The following RRP36 variants were observed in gnomAD, a reference collection of about 807,000 sequenced individuals.
RRP36 encodes ribosomal RNA processing 36, also known as ribosomal RNA processing protein 36 homolog.
RRP36 carries 44 observed loss-of-function variants against 39.8 expected under a neutral mutation model. That is an observed-to-expected ratio of 1.10 (90% CI 0.87 to 1.42). The LOEUF is 1.42. Ranked by LOEUF, RRP36 falls within the 40% of genes most tolerant of loss-of-function variation. RRP36 has a pLI of 0.00. For synonymous variants in RRP36, 124 were observed against 123.1 expected, an observed-to-expected ratio of 1.01 and a Z score of -0.05; for missense variants, 316 against 322.4, an observed-to-expected ratio of 0.98 and a Z score of 0.15.
rs549735297 is a variant in RRP36 at position 43,029,231 on chromosome 6, A to G, written c.*3A>G. On this transcript the variant is annotated 3_prime_UTR_variant, in exon 7 of 7. Transcript: ENST00000244496. ...ATCTCCCTTTGAGCAAAGAGTAATA[A>G]GGAACTATCCTCTGCTCTGCCACTG... 1.2e-5 allele frequency: 20 copies of G among 1,614,190 alleles called. No homozygotes were observed. The South Asian group carries it at 2.2e-4, about 18-fold the overall frequency.
Position 43,026,068 on chromosome 6 carries a change from C to A in RRP36, c.377C>A (p.Ser126Ter), listed in dbSNP as rs771399305. The A allele has an allele frequency of 5.6e-6, 9 of 1,613,664 alleles. No homozygotes were observed. In the Middle Eastern group the frequency reaches 6.6e-4, roughly 118 times the overall value. ...CGGGACCCTCGCTTTGATGATCTGT[C>A]AGGGGAATATAATCCTGAGGTGTTT... is the stretch of plus-strand genomic sequence containing the variant. ...VARDPRFDDL[S>*]GEYNPEVFDK... The change falls in exon 4 of 7, where the codon TCA becomes TAA. Residue 126 changes from serine to a stop codon, truncating the protein, a stop_gained. Coordinates refer to ENST00000244496, the MANE Select transcript of RRP36 (RefSeq NM_033112.4). LOFTEE classifies it high-confidence loss of function.
At position 43,026,022 on chromosome 6, in the gene RRP36, C is replaced by G. The variant is rs751285398; in HGVS notation, c.346-15C>G. On this transcript the variant is annotated splice_polypyrimidine_tract_variant and intron_variant, in intron 3 of 6. Transcript: ENST00000244496. Reference sequence around the variant, plus strand: ...TGAACAGTTGTGTTTTATATTCTCTCTCTTCTCTCCAAAGGTAGCCCGGGA... The same window carrying G: ...TGAACAGTTGTGTTTTATATTCTCTGTCTTCTCTCCAAAGGTAGCCCGGGA... 1 of 1,582,818 alleles carries G rather than the reference C, an allele frequency of 6.3e-7. No homozygotes were observed. The highest frequency in any genetic ancestry group is 8.7e-7 in the Non-Finnish European group (1 of 1,152,398).
Position 43,026,046 on chromosome 6 carries a change from G to A in RRP36, c.355G>A (p.Asp119Asn), listed in dbSNP as rs1322861578. ...VVPISKKVARDPRFDDLSGEY... is the reference protein window; with the variant it reads ...VVPISKKVARNPRFDDLSGEY... ...TCTCTTCTCTCCAAAGGTAGCCCGGGACCCTCGCTTTGATGATCTGTCAGG... is the reference window on the plus strand; with the variant it reads ...TCTCTTCTCTCCAAAGGTAGCCCGGAACCCTCGCTTTGATGATCTGTCAGG... The change falls in exon 4 of 7, where the codon GAC becomes AAC. Residue 119 changes from aspartate to asparagine, a missense_variant. Transcript: ENST00000244496. 1 of 1,612,292 alleles carries A rather than the reference G, an allele frequency of 6.2e-7. No individual in the cohort carries two copies. Among genetic ancestry groups the A allele is most frequent in the Non-Finnish European group, 8.5e-7 (1 of 1,178,560 alleles).
At chr6:43,022,692 G>A (rs1440718595) in intron 1 of RRP36, among the ~76,000 whole-genome samples, 1 of 144,342 alleles carries the variant, frequency 6.9e-6, no homozygotes, top group African/African-American at 2.7e-5. Flanking sequence ...GAGTGCAGTA[G>A]CGCGATCTCA....
intron 1 of RRP36, among the ~76,000 whole-genome samples, chr6:43,022,631 CCTTT>C (rs1258879620): frequency 7.7e-6 from 1 of 130,072 alleles, no homozygotes; most frequent in Non-Finnish European, 1.5e-5. Flanking sequence ...CAAGGTCTCA[CCTTT>C]TTTTTTTTTT....
chr6:43,025,342 G>C lies in RRP36; in HGVS notation c.345+13G>C. 3 of 1,612,236 alleles carry C rather than the reference G, an allele frequency of 1.9e-6. No individual in the cohort carries two copies. Among genetic ancestry groups the C allele is most frequent in the Non-Finnish European group, 2.5e-6 (3 of 1,179,692 alleles). On this transcript the variant is annotated intron_variant, in intron 3 of 6. Coordinates refer to ENST00000244496, the MANE Select transcript of RRP36 (RefSeq NM_033112.4). The stretch of plus-strand genomic sequence containing the variant: ...CATTAGTAAAAAGGTAAGGAAGAAG[G>C]CCAGGCACTGTGGCTCACGCCTGTA...
At position 43,026,196 on chromosome 6, in the gene RRP36, AC is replaced by A. The variant is rs1465156399; in HGVS notation, c.450+56del. 61 of 1,314,202 alleles carry A rather than the reference AC, an allele frequency of 4.6e-5. No homozygotes were observed. The African/African-American group carries it at 6.8e-4, about 15-fold the overall frequency. 81.4% of individuals were successfully genotyped at this position (1,314,202 alleles called of 1,614,324 possible). A position where few individuals can be genotyped will look rare whatever the true frequency, so the allele number is the denominator to read the frequency against. On this transcript the variant is annotated intron_variant, in intron 4 of 6. Coordinates refer to ENST00000244496, the MANE Select transcript of RRP36 (RefSeq NM_033112.4). Reference sequence around the variant, plus strand: ...ATTTTGTGGGGTGGAAAATGAGGGCACAGGTTAGAGAGTTGGGCAGGGGGAG... The same window carrying A: ...ATTTTGTGGGGTGGAAAATGAGGGCAAGGTTAGAGAGTTGGGCAGGGGGAG...
intron 4 of RRP36, among the ~76,000 whole-genome samples, chr6:43,026,922 C>G (rs375619869): frequency 1.6e-3 from 236 of 151,988 alleles, no homozygotes; most frequent in Non-Finnish European, 2.6e-3. Context: ...AAAAATTAGC[C>G]GGGCGTGGTG....
intron 6 of RRP36, 119 bp from the exon 7 acceptor site, chr6:43,028,973 C>A: frequency 2.3e-6 from 3 of 1,315,402 alleles, no homozygotes; most frequent in Non-Finnish European, 3.2e-6. Context: ...TAGAGGGGCA[C>A]CAGTGAGCTT....
chr6:43,027,782 C>CACACAA (rs1274491303), intron 6 of RRP36, among the ~76,000 whole-genome samples: 1 of 135,438 alleles, frequency 7.4e-6, no homozygotes, highest in African/African-American at 2.8e-5. Flanking sequence ...CACACACACA[C>CACACAA]ACACACACAC....
intron 1 of RRP36, 27 bp downstream of exon 1, chr6:43,021,811 G>T: frequency 8.4e-7 from 1 of 1,195,824 alleles, no homozygotes; most frequent in Non-Finnish European, 1.0e-6. Flanking sequence ...GGGCGGGCTG[G>T]GGAGGGGAAG....
rs57851236 is a variant in RRP36, at chr6:43,027,762, TACACACACACACACACACACACAC to T, written c.643+299_643+322del. The stretch of plus-strand genomic sequence containing the variant: ...GTGAGTTTTATCTCTTGGTCTACAC[TACACACACACACACACACACACAC>T]ACACACACACACAAACACAGAGTCA... On this transcript the variant is annotated intron_variant, in intron 6 of 6. Transcript: ENST00000244496. Among the ~76,000 whole-genome samples the T allele has an allele frequency of 3.3e-4, 27 of 81,696 alleles. No individual in the cohort carries two copies. In the East Asian group the frequency reaches 0.011, roughly 34 times the overall value. 53.6% of individuals were successfully genotyped at this position (81,696 alleles called of 152,430 possible). A position where few individuals can be genotyped will look rare whatever the true frequency, so the allele number is the denominator to read the frequency against.
intron 3 of RRP36, among the ~76,000 whole-genome samples, chr6:43,025,530 C>T (rs1019184103): frequency 3.5e-5 from 5 of 143,112 alleles, no homozygotes; most frequent in Non-Finnish European, 6.0e-5. Context: ...AACTGAGGCA[C>T]AAGAATCGCT....
chr6:43,023,365 C>T (rs188386698), intron 1 of RRP36, among the ~76,000 whole-genome samples: 4 of 152,270 alleles, frequency 2.6e-5, no homozygotes, highest in Admixed American at 2.0e-4. Context: ...GGCCACTGCA[C>T]TCCAGCCTGG....
At chr6:43,028,603 G>A (rs573850412) in intron 6 of RRP36, among the ~76,000 whole-genome samples, 11 of 150,698 alleles carry the variant, frequency 7.3e-5, no homozygotes, top group South Asian at 4.2e-4. Context: ...AGCTGAAATC[G>A]TGCCACAGCA....
intron 4 of RRP36, 140 bp from the exon 5 acceptor site, chr6:43,027,038 C>T (rs1294598351): frequency 5.8e-6 from 4 of 685,376 alleles, no homozygotes; most frequent in Non-Finnish European, 9.9e-6. Flanking sequence ...TGCACTCAAG[C>T]CTGTGACAGA....
At position 43,029,350 on chromosome 6, in the gene RRP36, T is replaced by C. The variant is rs985150581; in HGVS notation, c.*122T>C. ...ACAGCTGCCCTTGAATCTCATTGCC[T>C]CAGAGAAGACTAGAGGGCTCTTGGA... is the stretch of plus-strand genomic sequence containing the variant. On this transcript the variant is annotated 3_prime_UTR_variant, in exon 7 of 7. Transcript: ENST00000244496. 1 of 1,170,852 alleles carries C rather than the reference T, an allele frequency of 8.5e-7. No individual in the cohort carries two copies. 72.5% of individuals were successfully genotyped at this position (1,170,852 alleles called of 1,614,324 possible).
rs1762809497 is a variant in RRP36, at chr6:43,026,089, T to C, written c.398T>C (p.Val133Ala). 6.2e-7 allele frequency: 1 copy of C among 1,613,820 alleles called. No homozygotes were observed. The highest frequency in any genetic ancestry group is 8.5e-7 in the Non-Finnish European group (1 of 1,179,912). Residue 133 changes from valine (V) to alanine (A), a missense_variant, in exon 4 of 7, where the codon GTG becomes GCG. Transcript: ENST00000244496. Reference sequence around the variant, plus strand: ...CTGTCAGGGGAATATAATCCTGAGGTGTTTGACAAAACATACCAATTCTTG... The same window carrying C: ...CTGTCAGGGGAATATAATCCTGAGGCGTTTGACAAAACATACCAATTCTTG... The part of the protein sequence containing the change: ...DDLSGEYNPE[V>A]FDKTYQFLND...
intron 6 of RRP36, among the ~76,000 whole-genome samples, chr6:43,027,762 T>TACACACACACACACACACAC (rs57851236): frequency 1.2e-5 from 1 of 81,612 alleles, no homozygotes; most frequent in Non-Finnish European, 2.3e-5. Flanking sequence ...TGGTCTACAC[T>TACACACACACACACACACAC]ACACACACAC....
Sources: gnomAD v4.1 joint callset for allele counts (sites outside exome capture counted in the v4.1 genomes callset) on GRCh38, gnomAD v4.1.1 for gene constraint, MANE v1.5 for transcripts, NCBI Gene and HGNC (gene_info 2026-07-23, HGNC 2026-07-21) for gene names.